The following DCAF13 variants were observed in gnomAD, a reference collection of about 807,000 sequenced individuals.
DCAF13 encodes DDB1- and CUL4-associated factor 13.
DCAF13 carries 38 observed loss-of-function variants against 59.0 expected under a neutral mutation model. The observed-to-expected ratio is 0.64, with a 90% CI of 0.50 to 0.84. DCAF13 has a LOEUF of 0.84. Among genes scored for constraint, DCAF13 ranks in the 40% least tolerant of loss-of-function variants. The probability of loss-of-function intolerance (pLI) is 0.00; values close to 1 mark genes in which losing one functional copy is unlikely to be tolerated. For synonymous variants in DCAF13, 173 were observed against 175.0 expected, an observed-to-expected ratio of 0.99 and a Z score of 0.09; for missense variants, 469 against 558.4, an observed-to-expected ratio of 0.84 and a Z score of 1.61.
intron 1 of DCAF13, among the ~76,000 whole-genome samples, chr8:103,419,770 G>A (rs529549509): frequency 6.6e-6 from 1 of 152,260 alleles, no homozygotes; most frequent in East Asian, 1.9e-4. Context: ...CAGCACTTTG[G>A]GAGGCTGAGG....
At chr8:103,424,179 C>G (rs568313524) in intron 3 of DCAF13, among the ~76,000 whole-genome samples, 2 of 152,040 alleles carry the variant, frequency 1.3e-5, no homozygotes, top group Non-Finnish European at 2.9e-5. Context: ...CCACCACTCC[C>G]GGCTAATTTT....
chr8:103,421,037 T>C lies in DCAF13; in HGVS notation c.333T>C (p.Phe111=). ...GTACAATACAAGCACATGAAGGCTT[T>C]GTACGAGGAATATGTACTCGCTTTT... is the stretch of plus-strand genomic sequence containing the variant. ...CIRTIQAHEG[F]VRGICTRFCG... The change falls in exon 3 of 11, where the codon TTT becomes TTC. Residue 111 remains phenylalanine (F), a synonymous_variant. Coordinates refer to ENST00000612750, the MANE Select transcript of DCAF13 (RefSeq NM_015420.7). 6.2e-7 allele frequency: 1 copy of C among 1,613,886 alleles called. No homozygotes were observed. Among genetic ancestry groups the C allele is most frequent in the Non-Finnish European group, 8.5e-7 (1 of 1,179,844 alleles).
In DCAF13 at chr8:103,442,837, A is replaced by T. The variant is rs372990650; in HGVS notation, c.1293A>T (p.Pro431=). ...AACACAGCAAGCCTGGATCTGTGCC[A>T]CTTGTGTCAGAGAAGAAGAAACACG... ...RIKHSKPGSV[P]LVSEKKKHVV... Residue 431 remains proline, a synonymous_variant, in exon 11 of 11, where the codon CCA becomes CCT. Coordinates refer to ENST00000612750, the MANE Select transcript of DCAF13 (RefSeq NM_015420.7). The T allele has an allele frequency of 1.2e-6, 2 of 1,607,988 alleles. No homozygotes were observed. Among genetic ancestry groups the T allele is most frequent in the Non-Finnish European group, 1.7e-6 (2 of 1,178,336 alleles).
In DCAF13 at chr8:103,420,120, C is replaced by T. The variant is rs1424939525; in HGVS notation, c.71-144C>T. 7 of 730,312 alleles carry T rather than the reference C, an allele frequency of 9.6e-6. No individual in the cohort carries two copies. The South Asian group carries it at 1.2e-4, about 13-fold the overall frequency. 45.2% of individuals were successfully genotyped at this position (730,312 alleles called of 1,614,324 possible). On this transcript the variant is annotated intron_variant, in intron 1 of 10. Transcript: ENST00000612750. ...TAATTTCAGAAAGATTTCTGAACAA[C>T]AGGTCTTCTACTTTTGTATTCTTAG... is the stretch of plus-strand genomic sequence containing the variant.
Position 103,415,428 on chromosome 8 carries a change from G to C in DCAF13, c.-19G>C, listed in dbSNP as rs374957899. ...TCCTAGCGGACACCTCGTGGAGTCC[G>C]GCCGGAAGAGCAACCGAGATGAAGG... On this transcript the variant is annotated 5_prime_UTR_variant, in exon 1 of 11. Coordinates refer to ENST00000612750, the MANE Select transcript of DCAF13 (RefSeq NM_015420.7). The C allele has an allele frequency of 2.5e-6, 4 of 1,614,144 alleles. No homozygotes were observed. Among genetic ancestry groups the C allele is most frequent in the Non-Finnish European group, 2.5e-6 (3 of 1,180,026 alleles).
chr8:103,423,074 G>A (rs926609718), intron 3 of DCAF13, among the ~76,000 whole-genome samples: 1 of 152,166 alleles, frequency 6.6e-6, no homozygotes, highest in Non-Finnish European at 1.5e-5. Flanking sequence ...TTTCACTAGA[G>A]GGGTGCAGAT....
intron 1 of DCAF13, among the ~76,000 whole-genome samples, chr8:103,419,222 C>A (rs148230364): frequency 1.3e-5 from 2 of 151,962 alleles, no homozygotes; most frequent in African/African-American, 4.8e-5. Flanking sequence ...TGTTTAGCAG[C>A]GTATCAGGAC....
At chr8:103,441,355 A>ATTT in intron 9 of DCAF13, 100 bp from the exon 10 acceptor site, 2 of 1,168,608 alleles carry the variant, frequency 1.7e-6, no homozygotes, top group Non-Finnish European at 2.4e-6. Flanking sequence ...GTTGCATATC[A>ATTT]TAAAAGATTA....
At chr8:103,441,170 C>T (rs1817005228) in intron 9 of DCAF13, 2 of 259,888 alleles carry the variant, frequency 7.7e-6, no homozygotes, top group Non-Finnish European at 7.2e-6. Flanking sequence ...TTATTGATGC[C>T]TAGGGAAGGT....
intron 5 of DCAF13, chr8:103,429,565 T>G (rs1249255135): frequency 6.6e-6 from 1 of 152,218 alleles, no homozygotes; most frequent in Admixed American, 6.5e-5. Context: ...AGAGGGCTTA[T>G]TTTTACTTAA....
rs145901227 is a variant in DCAF13, at chr8:103,417,162, C to G, written c.70+1646C>G. Among the ~76,000 whole-genome samples, 341 of 152,222 alleles carry G rather than the reference C, an allele frequency of 2.2e-3. 5 individuals carry two copies. The highest frequency in any genetic ancestry group is 7.6e-3 in the African/African-American group (316 of 41,520). On this transcript the variant is annotated intron_variant, in intron 1 of 10. Transcript: ENST00000612750. ...AGTGATTGAAATCACATCTGTTAAC[C>G]ACGAAACTTTGCAAAGTGGGGAATT...
intron 9 of DCAF13, chr8:103,440,736 C>T (rs1444822912): frequency 6.6e-6 from 1 of 152,214 alleles, no homozygotes; most frequent in Non-Finnish European, 1.5e-5. Context: ...AAAAAAGATT[C>T]CATGAAAAAA....
At chr8:103,419,542 C>T (rs1004636689) in intron 1 of DCAF13, among the ~76,000 whole-genome samples, 6 of 152,184 alleles carry the variant, frequency 3.9e-5, no homozygotes, top group Admixed American at 3.3e-4. Context: ...CAGTATTTAG[C>T]ACCAGAGATT....
At chr8:103,421,926 T>C (rs1291938726) in intron 3 of DCAF13, among the ~76,000 whole-genome samples, 1 of 152,248 alleles carries the variant, frequency 6.6e-6, no homozygotes, top group Admixed American at 6.5e-5. Flanking sequence ...GCCGTGACCA[T>C]TGGTGTACAA....
At chr8:103,420,150 A>T in intron 1 of DCAF13, 114 bp from the exon 2 acceptor site, 1 of 893,004 alleles carries the variant, frequency 1.1e-6, no homozygotes, top group Non-Finnish European at 1.7e-6. Flanking sequence ...TCTTAGTGTT[A>T]GGCATAGAAC....
At chr8:103,416,705 C>T (rs773781395) in intron 1 of DCAF13, among the ~76,000 whole-genome samples, 23 of 152,160 alleles carry the variant, frequency 1.5e-4, no homozygotes, top group South Asian at 6.2e-4. Context: ...AATAGTCTTT[C>T]CCATCAGACT....
Position 103,440,238 on chromosome 8 carries a change from G to T in DCAF13, c.1053G>T (p.Leu351=). The T allele has an allele frequency of 6.3e-7, 1 of 1,595,206 alleles. No individual in the cohort carries two copies. Residue 351 remains leucine (L), a synonymous_variant, in exon 9 of 11, where the codon CTG becomes CTT. Transcript: ENST00000612750. The stretch of plus-strand genomic sequence containing the variant: ...GATCTGATGAAATGAACATTCGCCT[G>T]TGGAAAGCTAATGCTTCTGAAAAAT... ...MCGSDEMNIR[L]WKANASEKLG...
intron 9 of DCAF13, 59 bp from the exon 10 acceptor site, chr8:103,441,396 T>G: frequency 6.7e-7 from 1 of 1,493,844 alleles, no homozygotes; most frequent in South Asian, 1.3e-5. Context: ...TTTCTAGCTT[T>G]TTTATACTGA....
At chr8:103,433,537 T>A (rs1816893817) in intron 7 of DCAF13, among the ~76,000 whole-genome samples, 1 of 152,108 alleles carries the variant, frequency 6.6e-6, no homozygotes, top group South Asian at 2.1e-4. Context: ...GAACTTTAGA[T>A]CTTTGTATTG....
Sources: gnomAD v4.1 joint callset for allele counts (sites outside exome capture counted in the v4.1 genomes callset) on GRCh38, gnomAD v4.1.1 for gene constraint, MANE v1.5 for transcripts, NCBI Gene and HGNC (gene_info 2026-07-23, HGNC 2026-07-21) for gene names.